MTAP: variants seen among roughly 807,000 people sequenced by gnomAD.
MTAP encodes methylthioadenosine phosphorylase.
Under a neutral mutation model 33.6 loss-of-function variants are expected in MTAP, and 33 were observed. The observed-to-expected ratio is 0.98, with a 90% CI of 0.74 to 1.31. The LOEUF is 1.31. Ranked by LOEUF, MTAP falls within the 40% of genes most tolerant of loss-of-function variation. The pLI is 0.00. For missense variants in MTAP, 367 were observed against 360.0 expected (o/e 1.02, Z -0.16); for synonymous variants, 148 against 125.7 (o/e 1.18, Z -1.19).
intron 1 of MTAP, among the ~76,000 whole-genome samples, chr9:21,812,978 A>G (rs1050531620): frequency 6.6e-6 from 1 of 152,246 alleles, no homozygotes; most frequent in Non-Finnish European, 1.5e-5. Flanking sequence ...CTGATGATGA[A>G]ATAAGGTAAG....
intron 1 of MTAP, among the ~76,000 whole-genome samples, chr9:21,811,425 G>T (rs1169385303): frequency 1.3e-5 from 2 of 152,132 alleles, no homozygotes; most frequent in African/African-American, 4.8e-5. Context: ...CAGACCCTTG[G>T]ATTGATTTGC....
intron 1 of MTAP, among the ~76,000 whole-genome samples, chr9:21,814,459 T>C (rs533887125): frequency 5.0e-4 from 76 of 152,358 alleles, no homozygotes; most frequent in Non-Finnish European, 9.0e-4. Flanking sequence ...AGGTTTCTAA[T>C]AAAGTTAGCC....
At chr9:21,891,634 C>A (rs1818202325) in intron 1 of MTAP, among the ~76,000 whole-genome samples, 1 of 152,016 alleles carries the variant, frequency 6.6e-6, no homozygotes, top group African/African-American at 2.4e-5. Flanking sequence ...TATAAAGGGA[C>A]CAAACCTATG....
intron 1 of MTAP, among the ~76,000 whole-genome samples, chr9:21,900,060 C>G (rs1018407594): frequency 3.9e-5 from 6 of 152,052 alleles, no homozygotes; most frequent in Non-Finnish European, 7.4e-5. Context: ...AATGTAAAAC[C>G]TAGAACTATA....
intron 1 of MTAP, among the ~76,000 whole-genome samples, chr9:21,921,366 G>A (rs1299045254): frequency 6.6e-6 from 1 of 151,650 alleles, no homozygotes; most frequent in African/African-American, 2.4e-5. Context: ...TTGATATTTT[G>A]TATTTTTTAC....
Position 21,816,757 on chromosome 9 carries a change from G to A in MTAP, c.164G>A (p.Cys55Tyr), listed in dbSNP as rs778107183. The A allele has an allele frequency of 6.2e-7, 1 of 1,611,812 alleles. No individual in the cohort carries two copies. The highest frequency in any genetic ancestry group is 1.1e-5 in the South Asian group (1 of 90,540). The stretch of plus-strand genomic sequence containing the variant: ...TTGGGGAAGATAAAAAATGTTGATT[G>A]CGTCCTCCTTGCAAGGTATGGTATT... Reference protein sequence around the residue: ...LILGKIKNVDCVLLARHGRQH... With the variant: ...LILGKIKNVDYVLLARHGRQH... The change falls in exon 3 of 8, where the codon TGC becomes TAC. Residue 55 changes from cysteine to tyrosine, a missense_variant. Transcript: ENST00000644715.
At chr9:21,803,095 A>G in intron 1 of MTAP, 1 of 604,924 alleles carries the variant, frequency 1.7e-6, no homozygotes, top group Admixed American at 4.2e-5. Flanking sequence ...CTTTAGAGAG[A>G]GAGGTCGTGG....
rs1373791797 is a variant in MTAP at position 21,862,466 on chromosome 9, G to C, written c.*452G>C. 6.5e-6 allele frequency: 1 copy of C among 154,286 alleles called. No homozygotes were observed. The highest frequency in any genetic ancestry group is 1.4e-5 in the Non-Finnish European group (1 of 69,622). The allele number at this position is 154,286 out of a possible 1,614,324, so 9.6% of individuals were successfully genotyped here. On this transcript the variant is annotated 3_prime_UTR_variant, in exon 8 of 8. Coordinates refer to ENST00000644715, the MANE Select transcript of MTAP (RefSeq NM_002451.4). ...CATCAAAAGACTTAAAAATACGGAC[G>C]TACTTTGTGCTGGGAACTCTACATC...
In MTAP at chr9:21,816,725, C is replaced by T. The variant is rs146430440; in HGVS notation, c.132C>T (p.Ala44=). 51 of 1,611,294 alleles carry T rather than the reference C, an allele frequency of 3.2e-5. No individual in the cohort carries two copies. The highest frequency in any genetic ancestry group is 4.0e-5 in the Non-Finnish European group (47 of 1,179,064). ...TTCATTGCATGCAGCCATCTGATGC[C>T]TTAATTTTGGGGAAGATAAAAAATG... is the stretch of plus-strand genomic sequence containing the variant. ...VDTPFGKPSD[A]LILGKIKNVD... The change falls in exon 3 of 8, where the codon GCC becomes GCT. Residue 44 remains alanine (A), a synonymous_variant. Coordinates refer to ENST00000644715, the MANE Select transcript of MTAP (RefSeq NM_002451.4).
At chr9:21,848,932 G>A (rs2118447980) in intron 5 of MTAP, among the ~76,000 whole-genome samples, 1 of 152,288 alleles carries the variant, frequency 6.6e-6, no homozygotes, top group Admixed American at 6.5e-5. Context: ...AGGCAAAGCG[G>A]CAATCAGAAC....
At position 21,836,325 on chromosome 9, in the gene MTAP, C is replaced by T. The variant is rs1587230675; in HGVS notation, c.348-1583C>T. ...TTAATAATTATCAGGTGCATATTAA[C>T]GTTGCATGAAGCTTAACTTAAATAC... is the stretch of plus-strand genomic sequence containing the variant. On this transcript the variant is annotated intron_variant, in intron 4 of 7. Transcript: ENST00000644715. Among the ~76,000 whole-genome samples, 3 of 152,140 alleles carry T rather than the reference C, an allele frequency of 2.0e-5. 1 individual carries two copies. The highest frequency in any genetic ancestry group is 2.1e-4 in the South Asian group (1 of 4,826).
intron 1 of MTAP, among the ~76,000 whole-genome samples, chr9:21,913,390 T>A (rs1430328860): frequency 2.0e-5 from 3 of 152,280 alleles, no homozygotes; most frequent in South Asian, 2.1e-4. Flanking sequence ...ATTACAAGGC[T>A]ACAGTAACCA....
intron 6 of MTAP, chr9:21,856,198 G>T (rs549208376): frequency 1.2e-5 from 12 of 985,210 alleles, no homozygotes; most frequent in Non-Finnish European, 1.4e-5. Flanking sequence ...AAAACATTTA[G>T]GGGTGACTTT....
intron 4 of MTAP, among the ~76,000 whole-genome samples, chr9:21,833,016 A>T (rs1389138407): frequency 2.6e-5 from 4 of 152,194 alleles, no homozygotes; most frequent in Non-Finnish European, 4.4e-5. Context: ...CATGAAATAT[A>T]ATAGAAAATA....
At chr9:21,894,211 TAAAAAA>T (rs60193324) in intron 1 of MTAP, among the ~76,000 whole-genome samples, 30 of 129,756 alleles carry the variant, frequency 2.3e-4, no homozygotes, top group South Asian at 7.6e-4. Context: ...CCTTTCATGT[TAAAAAA>T]AAAAAAAAAA....
rs529366343 is a variant in MTAP at position 21,861,871 on chromosome 9, C to A, written c.814-105C>A. 4 of 786,180 alleles carry A rather than the reference C, an allele frequency of 5.1e-6. No individual in the cohort carries two copies. In the East Asian group the frequency reaches 9.8e-5, roughly 19 times the overall value. 48.7% of individuals were successfully genotyped at this position (786,180 alleles called of 1,614,324 possible). ...ATTTATTTAAAGTGTATGTTTCCTG[C>A]GTCCTCACTTTGATCTAGAAAATCA... On this transcript the variant is annotated intron_variant, in intron 7 of 7. Transcript: ENST00000644715.
downstream of MTAP, among the ~76,000 whole-genome samples, chr9:21,940,135 T>G (rs2131062207): frequency 6.6e-6 from 1 of 152,262 alleles, no homozygotes; most frequent in Non-Finnish European, 1.5e-5. Flanking sequence ...TTTAAGAACC[T>G]AATGAAGAAG....
intron 4 of MTAP, among the ~76,000 whole-genome samples, chr9:21,828,041 T>C (rs891537073): frequency 6.6e-6 from 1 of 152,228 alleles, no homozygotes; most frequent in African/African-American, 2.4e-5. Context: ...ATGTCTTAAA[T>C]GTAGATGTTT....
chr9:21,817,117 G>GTAGT (rs1824495486), intron 3 of MTAP, among the ~76,000 whole-genome samples: 1 of 152,198 alleles, frequency 6.6e-6, no homozygotes. Context: ...CTTGCTGGTA[G>GTAGT]TAGTTATATG....
Sources: allele counts gnomAD v4.1 joint callset (sites outside exome capture counted in the v4.1 genomes callset), GRCh38; gene constraint gnomAD v4.1.1; transcripts MANE v1.5; gene names NCBI Gene and HGNC (gene_info 2026-07-23, HGNC 2026-07-21).